MAP2K6: variants seen among roughly 807,000 people sequenced by gnomAD.
MAP2K6 encodes the protein mitogen-activated protein kinase kinase 6, also known as dual specificity mitogen-activated protein kinase kinase 6.
Under a neutral mutation model 53.7 loss-of-function variants are expected in MAP2K6, and 16 were observed. The observed-to-expected ratio is 0.30, with a 90% CI of 0.20 to 0.45. MAP2K6 has a LOEUF of 0.45. Among genes scored for constraint, MAP2K6 ranks in the 20% least tolerant of loss-of-function variants. The pLI, the probability that MAP2K6 is intolerant of heterozygous loss-of-function variation, is 1.00. For missense variants in MAP2K6, 204 were observed against 411.9 expected, an observed-to-expected ratio of 0.50 and a Z score of 4.37; for synonymous variants, 132 against 143.1, an observed-to-expected ratio of 0.92 and a Z score of 0.55.
At chr17:69,445,022 G>A (rs1440727208) in intron 1 of MAP2K6, among the ~76,000 whole-genome samples, 1 of 152,190 alleles carries the variant, frequency 6.6e-6, no homozygotes, top group Non-Finnish European at 1.5e-5. Context: ...CCGGGTTCAA[G>A]AGATTCTCCT....
intron 1 of MAP2K6, among the ~76,000 whole-genome samples, chr17:69,441,070 A>G (rs1236787899): frequency 6.6e-6 from 1 of 152,172 alleles, no homozygotes; most frequent in Non-Finnish European, 1.5e-5. Flanking sequence ...GTGTTATGTG[A>G]CTATAGGTAT....
intron 10 of MAP2K6, among the ~76,000 whole-genome samples, chr17:69,528,865 A>G (rs1910925748): frequency 1.4e-5 from 2 of 148,112 alleles, no homozygotes; most frequent in African/African-American, 5.0e-5. Context: ...ATCTCAAAAA[A>G]AAAAAAAAAA....
intron 1 of MAP2K6, among the ~76,000 whole-genome samples, chr17:69,449,208 A>T (rs1371502385): frequency 2.0e-5 from 3 of 152,158 alleles, no homozygotes; most frequent in Non-Finnish European, 4.4e-5. Context: ...TAAAATGGGG[A>T]TGATACTGGT....
At chr17:69,430,326 ACT>A (rs758004799) in intron 1 of MAP2K6, among the ~76,000 whole-genome samples, 4 of 152,042 alleles carry the variant, frequency 2.6e-5, no homozygotes, top group Non-Finnish European at 4.4e-5. Flanking sequence ...AAAGAGCAAG[ACT>A]CTGTCAAAAA....
chr17:69,477,764 T>C (rs927734379), intron 1 of MAP2K6, among the ~76,000 whole-genome samples: 2 of 152,246 alleles, frequency 1.3e-5, no homozygotes, highest in Non-Finnish European at 2.9e-5. Context: ...CAACTCGTTA[T>C]GCAACTGGGA....
chr17:69,511,709 C>G (rs1221818216), intron 2 of MAP2K6, among the ~76,000 whole-genome samples: 1 of 152,192 alleles, frequency 6.6e-6, no homozygotes, highest in Non-Finnish European at 1.5e-5. Flanking sequence ...GGTAAGAGTT[C>G]AGGGTCTGGA....
intron 1 of MAP2K6, among the ~76,000 whole-genome samples, chr17:69,499,776 T>G (rs978502134): frequency 3.3e-5 from 5 of 152,066 alleles, no homozygotes; most frequent in Non-Finnish European, 5.9e-5. Flanking sequence ...ATAAAATAAT[T>G]CTAGATTGTG....
intron 7 of MAP2K6, 96 bp downstream of exon 7, chr17:69,521,196 T>C: frequency 1.9e-6 from 2 of 1,045,162 alleles, no homozygotes; most frequent in Admixed American, 2.1e-5. Context: ...TGGGTGGAAG[T>C]AGAATTGACT....
chr17:69,416,957 A>G (rs866841921), intron 1 of MAP2K6, among the ~76,000 whole-genome samples: 3 of 152,202 alleles, frequency 2.0e-5, no homozygotes, highest in Non-Finnish European at 4.4e-5. Flanking sequence ...TGAGAAGCCA[A>G]AGGAGATATT....
intron 11 of MAP2K6, 28 bp downstream of exon 11, chr17:69,536,188 A>C (rs200309814): frequency 1.3e-6 from 2 of 1,581,426 alleles, no homozygotes; most frequent in Non-Finnish European, 1.7e-6. Flanking sequence ...CGTAAACATG[A>C]CTATACTGAT....
intron 1 of MAP2K6, among the ~76,000 whole-genome samples, chr17:69,415,819 G>T (rs930845112): frequency 1.3e-5 from 2 of 152,192 alleles, no homozygotes; most frequent in Non-Finnish European, 2.9e-5. Context: ...GTGTAACTGC[G>T]TGTATTTAGT....
chr17:69,444,580 G>A (rs1024331868), intron 1 of MAP2K6, among the ~76,000 whole-genome samples: 4 of 152,116 alleles, frequency 2.6e-5, no homozygotes, highest in South Asian at 2.1e-4. Context: ...CTCCCCAACC[G>A]GATGGAGCTG....
Position 69,548,423 on chromosome 17 carries a change from A to G in MAP2K6, c.*6670A>G, listed in dbSNP as rs1196004429. 1 of 149,262 alleles carries G rather than the reference A, an allele frequency of 6.7e-6. No homozygotes were observed. The highest frequency in any genetic ancestry group is 1.5e-5 in the Non-Finnish European group (1 of 66,860). The allele number at this position is 149,262 out of a possible 1,614,324, so 9.2% of individuals were successfully genotyped here. A position where few individuals can be genotyped will look rare whatever the true frequency, so the allele number is the denominator to read the frequency against. On this transcript the variant is annotated 3_prime_UTR_variant, in exon 12 of 12. Transcript: ENST00000590474. ...AAAAGGACAGTCTGCCAGTGACCGA[A>G]GCTTTCTCATTTTTTTTTCTTCCAG...
chr17:69,422,804 T>G (rs1315299087), intron 1 of MAP2K6, among the ~76,000 whole-genome samples: 1 of 152,238 alleles, frequency 6.6e-6, no homozygotes, highest in Non-Finnish European at 1.5e-5. Context: ...AGAGGCAGGA[T>G]GGATGTCTGA....
At chr17:69,498,166 A>T (rs771466111) in intron 1 of MAP2K6, among the ~76,000 whole-genome samples, 1 of 152,228 alleles carries the variant, frequency 6.6e-6, no homozygotes, top group Non-Finnish European at 1.5e-5. Context: ...TAACACAGTG[A>T]GGAGCTAGCT....
chr17:69,498,561 C>T (rs955869641), intron 1 of MAP2K6, among the ~76,000 whole-genome samples: 4 of 151,320 alleles, frequency 2.6e-5, no homozygotes, highest in Non-Finnish European at 4.4e-5. Flanking sequence ...AGTGACACAA[C>T]TACAATGTGA....
intron 1 of MAP2K6, among the ~76,000 whole-genome samples, chr17:69,470,852 A>G (rs1158228678): frequency 3.3e-5 from 5 of 152,092 alleles, no homozygotes; most frequent in Non-Finnish European, 5.9e-5. Flanking sequence ...CCTTTACCAG[A>G]ATGCCTTGCC....
At chr17:69,523,937 A>G (rs1398006821) in intron 8 of MAP2K6, among the ~76,000 whole-genome samples, 1 of 152,198 alleles carries the variant, frequency 6.6e-6, no homozygotes, top group East Asian at 1.9e-4. Context: ...TGAAGGCACC[A>G]GAAGATTTGG....
At chr17:69,501,132 C>T (rs1909154260) in intron 1 of MAP2K6, among the ~76,000 whole-genome samples, 1 of 152,202 alleles carries the variant, frequency 6.6e-6, no homozygotes, top group Non-Finnish European at 1.5e-5. Context: ...AAATCCCATT[C>T]ATATTGGGAA....
Sources: allele counts gnomAD v4.1 joint callset (sites outside exome capture counted in the v4.1 genomes callset), GRCh38; gene constraint gnomAD v4.1.1; transcripts MANE v1.5; gene names NCBI Gene and HGNC (gene_info 2026-07-23, HGNC 2026-07-21).